The following WDPCP variants were observed in gnomAD, a reference collection of about 807,000 sequenced individuals.
WDPCP encodes WD repeat containing planar cell polarity effector.
A neutral mutation model predicts 93.1 loss-of-function variants in WDPCP; 71 were observed. That is an observed-to-expected ratio of 0.76 (90% CI 0.63 to 0.93). WDPCP has a LOEUF of 0.93. Among genes scored for constraint, WDPCP ranks in the 40% least tolerant of loss-of-function variants. The pLI is 0.00. For synonymous variants in WDPCP, 315 were observed against 315.0 expected, an observed-to-expected ratio of 1.00 and a Z score of 0.00; for missense variants, 844 against 887.4, an observed-to-expected ratio of 0.95 and a Z score of 0.62.
At chr2:63,533,161 T>G (rs1025028789) in intron 1 of WDPCP, among the ~76,000 whole-genome samples, 5 of 152,104 alleles carry the variant, frequency 3.3e-5, no homozygotes, top group Non-Finnish European at 5.9e-5. Context: ...AAGAGCTAAC[T>G]CTCCTAAATA....
In WDPCP at chr2:63,413,804, A is replaced by AACAAACAAACAAAAAC. The variant is rs762288616; in HGVS notation, c.826-9148_826-9147insGTTTTTGTTTGTTTGT. 2.3e-3 allele frequency among the ~76,000 whole-genome samples: 356 copies of AACAAACAAACAAAAAC among 151,914 alleles called. 3 individuals carry two copies. Among genetic ancestry groups the AACAAACAAACAAAAAC allele is most frequent in the Non-Finnish European group, 2.5e-3 (169 of 67,922 alleles). On this transcript the variant is annotated intron_variant, in intron 9 of 17. Coordinates refer to ENST00000272321, the MANE Select transcript of WDPCP (RefSeq NM_015910.7). ...GTCTCAAAAAACAAACAAACAAACA[A>AACAAACAAACAAAAAC]ACAAACAAAAACAAAGATAAATAGC...
chr2:63,457,353 AG>A (rs1698693743), intron 6 of WDPCP, among the ~76,000 whole-genome samples: 1 of 152,170 alleles, frequency 6.6e-6, no homozygotes, highest in South Asian at 2.1e-4. Flanking sequence ...AGAAAAGCCA[AG>A]GACCAGGTGG....
intron 9 of WDPCP, among the ~76,000 whole-genome samples, chr2:63,429,564 C>T (rs374192209): frequency 2.0e-5 from 3 of 152,120 alleles, no homozygotes; most frequent in Admixed American, 1.3e-4. Context: ...ACATACAAAT[C>T]GCCAACAAAC....
chr2:63,797,479 G>T (rs1670633458), intron 2 of WDPCP, among the ~76,000 whole-genome samples: 1 of 151,808 alleles, frequency 6.6e-6, no homozygotes. Context: ...AGAGTCCCAG[G>T]CCTGGCAGCA....
chr2:63,581,442 A>T (rs568280875), intron 1 of WDPCP, among the ~76,000 whole-genome samples: 2 of 152,334 alleles, frequency 1.3e-5, no homozygotes, highest in South Asian at 4.1e-4. Context: ...AAATGATTAC[A>T]GATAACAGTG....
intron 1 of WDPCP, 76 bp from the exon 2 acceptor site, chr2:63,493,016 T>C (rs755173546): frequency 3.0e-5 from 37 of 1,236,042 alleles, no homozygotes; most frequent in Admixed American, 8.9e-5. Context: ...ACCTTAGAAA[T>C]AGTAAAAAGA....
At chr2:63,507,529 A>G (rs1172972821) in intron 1 of WDPCP, among the ~76,000 whole-genome samples, 3 of 152,038 alleles carry the variant, frequency 2.0e-5, no homozygotes, top group Non-Finnish European at 4.4e-5. Context: ...AATAAACCCA[A>G]GAAGGCGGAT....
intron 1 of WDPCP, among the ~76,000 whole-genome samples, chr2:63,572,728 T>TAAAAAAAAAAAAAAAAAAA: frequency 1.9e-5 from 1 of 52,700 alleles, no homozygotes; most frequent in Non-Finnish European, 3.5e-5. Flanking sequence ...AAAAAAAAAG[T>TAAAAAAAAAAAAAAAAAAA]TGGACAGCAT....
chr2:63,325,965 G>A lies in WDPCP; in HGVS notation c.1749-12654C>T, dbSNP rs539873209. On this transcript the variant is annotated intron_variant, in intron 12 of 17. Transcript: ENST00000272321. ...ACAACCAGTGGCATACCTAAGTAAG[G>A]AAATTGATGTAGTAGCAAAAGGTTG... Among the ~76,000 whole-genome samples, 15 of 152,332 alleles carry A rather than the reference G, an allele frequency of 9.8e-5. 1 individual carries two copies. In the South Asian group the frequency reaches 2.5e-3, roughly 25 times the overall value.
intron 1 of WDPCP, among the ~76,000 whole-genome samples, chr2:63,554,696 G>A (rs1159234671): frequency 1.3e-5 from 2 of 152,056 alleles, no homozygotes; most frequent in Non-Finnish European, 2.9e-5. Flanking sequence ...CAGATATTAT[G>A]AAATTATGCA....
intron 13 of WDPCP, among the ~76,000 whole-genome samples, chr2:63,312,148 T>C (rs559538041): frequency 5.9e-5 from 9 of 152,280 alleles, no homozygotes; most frequent in East Asian, 5.8e-4. Context: ...TGACGAACAA[T>C]AGAATGTTCA....
intron 12 of WDPCP, among the ~76,000 whole-genome samples, chr2:63,361,364 G>T (rs1427874372): frequency 6.6e-6 from 1 of 152,118 alleles, no homozygotes; most frequent in Non-Finnish European, 1.5e-5. Flanking sequence ...ACTGATCACT[G>T]GCCACTAATC....
At chr2:63,282,068 T>C (rs1407922186) in intron 13 of WDPCP, among the ~76,000 whole-genome samples, 1 of 151,672 alleles carries the variant, frequency 6.6e-6, no homozygotes, top group Non-Finnish European at 1.5e-5. Context: ...TTCACAGAAA[T>C]AGATAAAATA....
chr2:63,367,986 T>C (rs763809128), intron 12 of WDPCP, among the ~76,000 whole-genome samples: 17 of 152,190 alleles, frequency 1.1e-4, no homozygotes, highest in Non-Finnish European at 2.2e-4. Flanking sequence ...GGAAAGCTAA[T>C]ATTTGTTACC....
intron 2 of WDPCP, among the ~76,000 whole-genome samples, chr2:63,797,434 C>T (rs1409326262): frequency 6.6e-6 from 1 of 151,932 alleles, no homozygotes; most frequent in Non-Finnish European, 1.5e-5. Flanking sequence ...TCTGGACATA[C>T]CCCAGGCCAG....
intron 1 of WDPCP, among the ~76,000 whole-genome samples, chr2:63,575,370 G>GTATATACACGGTATACACAGTA (rs1558831290): frequency 7.8e-6 from 1 of 128,388 alleles, no homozygotes; most frequent in African/African-American, 3.0e-5. Context: ...AGTATATACA[G>GTATATACACGGTATACACAGTA]TATATACAGT....
At chr2:63,210,254 C>A (rs1368071816) in intron 14 of WDPCP, among the ~76,000 whole-genome samples, 1 of 152,024 alleles carries the variant, frequency 6.6e-6, no homozygotes. Flanking sequence ...GACTACAGAA[C>A]AAGTTTGGCA....
intron 12 of WDPCP, among the ~76,000 whole-genome samples, chr2:63,361,515 G>T (rs1158783357): frequency 6.6e-6 from 1 of 152,086 alleles, no homozygotes; most frequent in African/African-American, 2.4e-5. Context: ...AAAATCTAAA[G>T]AAAAATTTGT....
At chr2:63,575,754 C>T (rs68183503) in intron 1 of WDPCP, among the ~76,000 whole-genome samples, 121,368 of 151,004 alleles carry the variant, frequency 0.8, 49,432 homozygotes, top group East Asian at 0.98. Context: ...CAGCATTCAG[C>T]ATATACAAAC....
Sources: allele counts gnomAD v4.1 joint callset (sites outside exome capture counted in the v4.1 genomes callset), GRCh38; gene constraint gnomAD v4.1.1; transcripts MANE v1.5; gene names NCBI Gene and HGNC (gene_info 2026-07-23, HGNC 2026-07-21).